The following NEMF variants were observed in gnomAD, a reference collection of about 807,000 sequenced individuals.
NEMF encodes nuclear export mediator factor.
Under a neutral mutation model 162.2 loss-of-function variants are expected in NEMF, and 89 were observed. That is an observed-to-expected ratio of 0.55 (90% CI 0.46 to 0.65). The LOEUF is 0.65. Ranked by LOEUF, NEMF falls within the 30% of genes least tolerant of loss-of-function variation. The pLI is 0.00. For missense variants in NEMF, 1,133 were observed against 1,261.9 expected, an observed-to-expected ratio of 0.90 and a Z score of 1.55; for synonymous variants, 421 against 404.5, an observed-to-expected ratio of 1.04 and a Z score of -0.49.
Position 49,783,280 on chromosome 14 carries a change from T to G in NEMF, c.*1356A>C, listed in dbSNP as rs1467566733. 1 of 136,524 alleles carries G rather than the reference T, an allele frequency of 7.3e-6. No homozygotes were observed. Among genetic ancestry groups the G allele is most frequent in the East Asian group, 1.8e-4 (1 of 5,440 alleles). The allele number at this position is 136,524 out of a possible 1,614,324, so 8.5% of individuals were successfully genotyped here. A position where few individuals can be genotyped will look rare whatever the true frequency, so the allele number is the denominator to read the frequency against. ...CCATCATCAAAATGCTGAAGTCATT[T>G]TTTGAAAACATTATAGATTTTTTTT... On this transcript the variant is annotated 3_prime_UTR_variant, in exon 33 of 33. Transcript: ENST00000298310.
At chr14:49,850,016 A>G (rs1482627398) in intron 3 of NEMF, among the ~76,000 whole-genome samples, 1 of 152,232 alleles carries the variant, frequency 6.6e-6, no homozygotes, top group Admixed American at 6.5e-5. Context: ...ACTCAATGCC[A>G]TAACAGATAC....
chr14:49,819,742 A>C (rs1016183117), intron 16 of NEMF, among the ~76,000 whole-genome samples: 3 of 151,938 alleles, frequency 2.0e-5, no homozygotes, highest in African/African-American at 7.2e-5. Context: ...AAACATTGTG[A>C]AAAGGAGAGA....
chr14:49,813,945 T>A, intron 18 of NEMF, 43 bp downstream of exon 18: 1 of 1,178,584 alleles, frequency 8.5e-7, no homozygotes. Context: ...AAAAATATTT[T>A]AAAGAAAGGA....
intron 5 of NEMF, among the ~76,000 whole-genome samples, chr14:49,840,096 A>G (rs899377246): frequency 1.3e-5 from 2 of 151,992 alleles, no homozygotes; most frequent in African/African-American, 2.4e-5. Context: ...GGAGTTCAAG[A>G]CTGCAGTGAG....
At chr14:49,839,892 G>A (rs1014765156) in intron 5 of NEMF, 4 of 152,092 alleles carry the variant, frequency 2.6e-5, no homozygotes, top group East Asian at 3.8e-4. Flanking sequence ...GGGCCCGGTC[G>A]CTCATACCTG....
chr14:49,785,363 C>T, intron 29 of NEMF, 43 bp from the exon 30 acceptor site: 1 of 1,372,920 alleles, frequency 7.3e-7, no homozygotes. Flanking sequence ...TTTATACCGC[C>T]CTTTACAAAA....
chr14:49,785,389 G>GAATT, intron 29 of NEMF, 69 bp from the exon 30 acceptor site: 1 of 981,432 alleles, frequency 1.0e-6, no homozygotes, highest in Non-Finnish European at 1.6e-6. Context: ...TAAAACACTT[G>GAATT]AATTAGTATC....
At chr14:49,818,966 T>C (rs1891857281) in intron 16 of NEMF, among the ~76,000 whole-genome samples, 2 of 152,114 alleles carry the variant, frequency 1.3e-5, no homozygotes, top group Admixed American at 1.3e-4. Flanking sequence ...TTAAATACCC[T>C]ACCATAAAAT....
At chr14:49,799,233 A>T (rs952770522) in intron 25 of NEMF, among the ~76,000 whole-genome samples, 1 of 146,628 alleles carries the variant, frequency 6.8e-6, no homozygotes, top group Non-Finnish European at 1.5e-5. Context: ...AAAAAAAAAA[A>T]GGAAAATGTT....
chr14:49,807,459 C>G (rs183268539), intron 18 of NEMF, among the ~76,000 whole-genome samples: 6 of 152,314 alleles, frequency 3.9e-5, no homozygotes, highest in African/African-American at 1.2e-4. Flanking sequence ...AAACCACTTC[C>G]CACAGCAGCT....
intron 6 of NEMF, among the ~76,000 whole-genome samples, chr14:49,836,266 G>A (rs1382136281): frequency 6.6e-6 from 1 of 152,240 alleles, no homozygotes; most frequent in East Asian, 1.9e-4. Context: ...GCAACAGAAT[G>A]AGATTGTCTC....
In NEMF at chr14:49,825,816, G is replaced by A. The variant is rs1212367971; in HGVS notation, c.1577+51C>T. ...TTGACTTTTCTAAACAATGTGCATG[G>A]ATAATTTTAATAAAAACAAAAACTG... On this transcript the variant is annotated intron_variant, in intron 16 of 32. Transcript: ENST00000298310. The A allele has an allele frequency of 4.1e-6, 5 of 1,214,032 alleles. No homozygotes were observed. In the South Asian group the frequency reaches 5.2e-5, roughly 13 times the overall value. 75.2% of individuals were successfully genotyped at this position (1,214,032 alleles called of 1,614,324 possible).
intron 16 of NEMF, among the ~76,000 whole-genome samples, chr14:49,823,781 C>A (rs951314679): frequency 6.6e-6 from 1 of 152,074 alleles, no homozygotes; most frequent in East Asian, 1.9e-4. Context: ...CACCACCAAC[C>A]CCAATTGTAA....
chr14:49,828,578 A>G, intron 14 of NEMF, 38 bp downstream of exon 14: 1 of 1,448,878 alleles, frequency 6.9e-7, no homozygotes, highest in Non-Finnish European at 9.3e-7. Flanking sequence ...TTTATTGCAG[A>G]TAACACTTGG....
intron 25 of NEMF, chr14:49,796,474 ATT>A: frequency 6.1e-5 from 15 of 246,338 alleles, no homozygotes; most frequent in Non-Finnish European, 8.1e-5. Context: ...CATACTCTGA[ATT>A]TTTTTTTTTT....
intron 6 of NEMF, among the ~76,000 whole-genome samples, chr14:49,834,993 G>A (rs916904330): frequency 6.6e-6 from 1 of 152,196 alleles, no homozygotes; most frequent in Non-Finnish European, 1.5e-5. Flanking sequence ...GAGGTCGGGA[G>A]TTGGAGACCA....
chr14:49,836,720 T>G (rs1233784122), intron 6 of NEMF, among the ~76,000 whole-genome samples: 2 of 151,896 alleles, frequency 1.3e-5, no homozygotes, highest in African/African-American at 4.8e-5. Flanking sequence ...TAAGAGGACA[T>G]GTAAGTTGAG....
chr14:49,796,692 C>T, intron 25 of NEMF, among the ~76,000 whole-genome samples: 1 of 152,220 alleles, frequency 6.6e-6, no homozygotes, highest in East Asian at 1.9e-4. Context: ...TTGCCTATGT[C>T]ACATTCTCTT....
chr14:49,782,644 A>AAGAC lies in NEMF; in HGVS notation c.*1988_*1991dup. On this transcript the variant is annotated 3_prime_UTR_variant, in exon 33 of 33. Transcript: ENST00000298310. The stretch of plus-strand genomic sequence containing the variant: ...TAGATTATTTAAAATTGTGTTTCCT[A>AAGAC]AGACTTAGCACTCTCGAAAAACTAG... 6.7e-7 allele frequency: 1 copy of AAGAC among 1,489,842 alleles called. No homozygotes were observed. The highest frequency in any genetic ancestry group is 2.3e-5 in the East Asian group (1 of 44,104). 92.3% of individuals were successfully genotyped at this position (1,489,842 alleles called of 1,614,324 possible).
Sources: allele counts gnomAD v4.1 joint callset (sites outside exome capture counted in the v4.1 genomes callset), GRCh38; gene constraint gnomAD v4.1.1; transcripts MANE v1.5; gene names NCBI Gene and HGNC (gene_info 2026-07-23, HGNC 2026-07-21).